Variants in CP observed in about 807,000 individuals in gnomAD.
The protein encoded by CP is caeruloplasmin.
Under a neutral mutation model 122.4 loss-of-function variants are expected in CP, and 64 were observed. The observed-to-expected ratio is 0.52, with a 90% CI of 0.43 to 0.64. The LOEUF is 0.64. CP is among the 30% of genes least tolerant of loss of function. CP has a pLI of 0.00. For synonymous variants in CP, 440 were observed against 436.4 expected (o/e 1.01, Z -0.10); for missense variants, 1,167 against 1,284.4 (o/e 0.91, Z 1.40).
chr3:149,181,839 G>A (rs1271141800), intron 14 of CP, among the ~76,000 whole-genome samples, 166 bp downstream of exon 14: 1 of 151,888 alleles, frequency 6.6e-6, no homozygotes, highest in African/African-American at 2.4e-5. Context: ...TTTAGTACAA[G>A]CATGTGCATG....
intron 1 of CP, among the ~76,000 whole-genome samples, chr3:149,221,199 T>C (rs1338753252): frequency 6.6e-6 from 1 of 152,230 alleles, no homozygotes. Context: ...AGTCTCTCAA[T>C]AAATATCAGG....
chr3:149,187,783 T>G, intron 10 of CP: 1 of 407,020 alleles, frequency 2.5e-6, no homozygotes, highest in Non-Finnish European at 4.6e-6. Flanking sequence ...GAATTTGCAT[T>G]TCTAAGTCCC....
intron 5 of CP, chr3:149,163,999 T>G: frequency 4.2e-6 from 4 of 962,848 alleles, no homozygotes; most frequent in Non-Finnish European, 6.7e-6. Flanking sequence ...TACAATATAG[T>G]GTAAGATTAA....
chr3:149,186,869 G>T (rs1015108797), intron 10 of CP, 137 bp from the exon 11 acceptor site: 1 of 777,602 alleles, frequency 1.3e-6, no homozygotes, highest in Admixed American at 2.0e-5. Context: ...TTATGTGTCA[G>T]GAGTATCCTT....
exon 6 of CP, chr3:149,162,603 A>G (rs536073694): frequency 7.3e-7 from 1 of 1,366,434 alleles, no homozygotes; most frequent in East Asian, 2.3e-5. Context: ...TGCGTGGCCC[A>G]TGTGATGCTG....
intron 18 of CP, chr3:149,175,944 A>G (rs1249133030): frequency 3.4e-6 from 1 of 297,780 alleles, no homozygotes; most frequent in African/African-American, 2.2e-5. Flanking sequence ...TATGTAAATA[A>G]TGGTTTGTTT....
intron 1 of CP, 96 bp from the exon 2 acceptor site, chr3:149,212,794 T>C: frequency 7.1e-7 from 1 of 1,408,772 alleles, no homozygotes; most frequent in Non-Finnish European, 9.6e-7. Flanking sequence ...GAGAAATTAA[T>C]GAGCACATCA....
intron 5 of CP, chr3:149,163,754 G>A (rs1395805838): frequency 7.9e-6 from 6 of 759,440 alleles, no homozygotes; most frequent in Non-Finnish European, 1.4e-5. Context: ...ACATGGCAGA[G>A]AATTAATGAT....
chr3:149,171,264 G>A (rs186422768), downstream of CP, among the ~76,000 whole-genome samples: 1,147 of 150,722 alleles, frequency 7.6e-3, 13 homozygotes, highest in African/African-American at 0.025. Context: ...GTGACAGAGC[G>A]AGACTCCGTC....
chr3:149,186,346 A>C (rs1160648781), intron 11 of CP, 174 bp downstream of exon 11: 1 of 673,360 alleles, frequency 1.5e-6, no homozygotes, highest in Non-Finnish European at 2.7e-6. Context: ...AAACAGACCT[A>C]TCTGGTACAT....
Position 149,185,436 on chromosome 3 carries a change from A to T in CP, c.2088T>A (p.Asn696Lys). 1 of 1,614,192 alleles carries T rather than the reference A, an allele frequency of 6.2e-7. No individual in the cohort carries two copies. The highest frequency in any genetic ancestry group is 8.5e-7 in the Non-Finnish European group (1 of 1,180,024). The stretch of plus-strand genomic sequence containing the variant: ...AATGATCAGTTGTAAGGCATTCAAC[A>T]TTAAAAGTCCCTGGAGTGGTAAATA... ...HMWPDTEGTFNVECLTTDHYT... is the reference protein window; with the variant it reads ...HMWPDTEGTFKVECLTTDHYT... Residue 696 changes from asparagine to lysine, a missense_variant, in exon 12 of 19, where the codon AAT becomes AAA. Coordinates refer to ENST00000264613, the MANE Select transcript of CP (RefSeq NM_000096.4).
At chr3:149,183,113 T>C (rs1007840384) in intron 13 of CP, among the ~76,000 whole-genome samples, 1 of 152,056 alleles carries the variant, frequency 6.6e-6, no homozygotes, top group Non-Finnish European at 1.5e-5. Flanking sequence ...ATCACACCAC[T>C]ACACACCATC....
In CP at chr3:149,173,726, G is replaced by T. The variant is rs1223476535; in HGVS notation, c.3186C>A (p.Thr1062=). The T allele has an allele frequency of 3.5e-6, 5 of 1,436,358 alleles. No individual in the cohort carries two copies. Among genetic ancestry groups the T allele is most frequent in the Non-Finnish European group, 4.8e-6 (5 of 1,040,142 alleles). 89.0% of individuals were successfully genotyped at this position (1,436,358 alleles called of 1,614,324 possible). ...CAATTTATTTCATTCAGCCAGATTTGGTGTCTATAGAAAAAGAAATTTTAA... is the reference window on the plus strand; with the variant it reads ...CAATTTATTTCATTCAGCCAGATTTTGTGTCTATAGAAAAAGAAATTTTAA... ...TTYTVLQNED[T]KSG The change falls in exon 19 of 19, where the codon ACC becomes ACA. Residue 1062 remains threonine, a synonymous_variant. Transcript: ENST00000264613.
chr3:149,181,923 ACT>A (rs1725806017), intron 14 of CP, 80 bp downstream of exon 14: 22 of 1,500,252 alleles, frequency 1.5e-5, no homozygotes, highest in South Asian at 4.5e-5. Flanking sequence ...CTTGGTCCAG[ACT>A]CTCTATGATG....
Position 149,186,805 on chromosome 3 carries a change from G to A in CP, c.1865-73C>T, listed in dbSNP as rs1372097154. 15 of 1,421,926 alleles carry A rather than the reference G, an allele frequency of 1.1e-5. No individual in the cohort carries two copies. In the East Asian group the frequency reaches 3.4e-4, roughly 32 times the overall value. The allele number at this position is 1,421,926 out of a possible 1,614,324, so 88.1% of individuals were successfully genotyped here. A position where few individuals can be genotyped will look rare whatever the true frequency, so the allele number is the denominator to read the frequency against. ...ACATGACAACCTCACAGACTTTCCA[G>A]GACCAACTTTGTTTTTTTAATTTTT... On this transcript the variant is annotated intron_variant, in intron 10 of 18. Coordinates refer to ENST00000264613, the MANE Select transcript of CP (RefSeq NM_000096.4).
At chr3:149,209,173 A>G (rs768221944) in intron 4 of CP, 38 bp downstream of exon 4, 201 of 1,610,212 alleles carry the variant, frequency 1.2e-4, no homozygotes, top group Non-Finnish European at 1.6e-4. Context: ...GGATCAAGGG[A>G]AAAAAAAGTA....
At chr3:149,195,728 T>C (rs1295620724) in intron 9 of CP, among the ~76,000 whole-genome samples, 2 of 152,028 alleles carry the variant, frequency 1.3e-5, no homozygotes, top group Non-Finnish European at 2.9e-5. Flanking sequence ...TAGCTGGGCG[T>C]GGTGGCGGGC....
downstream of CP, chr3:149,168,045 C>A (rs1017257916): frequency 6.2e-6 from 6 of 965,222 alleles, no homozygotes; most frequent in South Asian, 1.3e-5. Context: ...TTTGGTGAAG[C>A]CTTCTTAAGT....
chr3:149,198,607 A>C (rs765628184), intron 8 of CP, 29 bp from the exon 9 acceptor site: 1 of 1,600,194 alleles, frequency 6.2e-7, no homozygotes, highest in South Asian at 1.1e-5. Context: ...TAGAGAGGTG[A>C]AGTGTGCTTT....
Sources: gnomAD v4.1 joint callset for allele counts (sites outside exome capture counted in the v4.1 genomes callset) on GRCh38, gnomAD v4.1.1 for gene constraint, MANE v1.5 for transcripts, NCBI Gene and HGNC (gene_info 2026-07-23, HGNC 2026-07-21) for gene names.